RBFOX2: variants seen among roughly 807,000 people sequenced by gnomAD.
RBFOX2 encodes RNA binding fox-1 homolog 2.
In RBFOX2, 10 loss-of-function variants were observed where a neutral mutation model predicts 49.1. The observed-to-expected ratio is 0.20, with a 90% confidence interval of 0.13 to 0.35. The LOEUF is 0.35. Ranked by LOEUF, RBFOX2 falls within the 10% of genes least tolerant of loss-of-function variation. The probability of loss-of-function intolerance (pLI) is 1.00; values close to 1 mark genes in which losing one functional copy is unlikely to be tolerated. For synonymous variants in RBFOX2, 183 were observed against 187.4 expected, an observed-to-expected ratio of 0.98 and a Z score of 0.19; for missense variants, 323 against 486.9, an observed-to-expected ratio of 0.66 and a Z score of 3.17.
At chr22:35,822,881 G>C (rs1954838193) in intron 1 of RBFOX2, 1 of 410,680 alleles carries the variant, frequency 2.4e-6, no homozygotes, top group Non-Finnish European at 4.7e-6. Context: ...CTGGAGTGCA[G>C]TGGCACAATC....
At chr22:35,743,647 A>C (rs1345773508) in exon 12 of RBFOX2, 1 of 152,608 alleles carries the variant, frequency 6.6e-6, no homozygotes, top group Non-Finnish European at 1.5e-5. Flanking sequence ...TGTAAGCACA[A>C]ATTCCTATCT....
chr22:35,964,069 TGCAAACAC>T (rs796413867), upstream of RBFOX2, among the ~76,000 whole-genome samples: 19 of 152,310 alleles, frequency 1.2e-4, no homozygotes, highest in African/African-American at 4.6e-4. Flanking sequence ...TACTCCACTT[TGCAAACAC>T]AGAAACAGAG....
At chr22:35,970,179 G>A (rs1331095215) in intron 1 of RBFOX2, among the ~76,000 whole-genome samples, 1 of 152,194 alleles carries the variant, frequency 6.6e-6, no homozygotes, top group Non-Finnish European at 1.5e-5. Context: ...GGGTGACCAT[G>A]TAACTTGTCT....
At chr22:35,782,414 C>T (rs548292323) in intron 2 of RBFOX2, among the ~76,000 whole-genome samples, 2 of 152,232 alleles carry the variant, frequency 1.3e-5, no homozygotes, top group East Asian at 1.9e-4. Flanking sequence ...CTCCACTTCC[C>T]GGGTTCACGC....
intron 1 of RBFOX2, among the ~76,000 whole-genome samples, chr22:35,827,329 A>C (rs914645207): frequency 6.6e-6 from 1 of 152,226 alleles, no homozygotes; most frequent in African/African-American, 2.4e-5. Context: ...GGCAGGTAAT[A>C]CATAGGAAAA....
intron 1 of RBFOX2, among the ~76,000 whole-genome samples, chr22:36,014,389 C>T (rs2058953539): frequency 6.6e-6 from 1 of 152,100 alleles, no homozygotes; most frequent in African/African-American, 2.4e-5. Context: ...GGATTACAAG[C>T]GTGAGCCACC....
chr22:35,939,139 A>T (rs991295027), upstream of RBFOX2: 2 of 667,792 alleles, frequency 3.0e-6, no homozygotes, highest in Non-Finnish European at 5.5e-6. Flanking sequence ...TATGCAGCTA[A>T]ATCTGTTTCC....
At chr22:35,860,223 C>T (rs977852082) in intron 1 of RBFOX2, among the ~76,000 whole-genome samples, 1 of 152,112 alleles carries the variant, frequency 6.6e-6, no homozygotes, top group African/African-American at 2.4e-5. Flanking sequence ...TTGACAGGTG[C>T]CTGTTCACTG....
chr22:35,791,385 C>CAAA (rs5845238), intron 2 of RBFOX2, among the ~76,000 whole-genome samples: 2 of 130,012 alleles, frequency 1.5e-5, no homozygotes, highest in Non-Finnish European at 3.3e-5. Flanking sequence ...AACTCTGTCT[C>CAAA]AAAAAAAAAA....
At chr22:35,965,996 A>G (rs938555898), upstream of RBFOX2, among the ~76,000 whole-genome samples, 1 of 152,128 alleles carries the variant, frequency 6.6e-6, no homozygotes, top group Non-Finnish European at 1.5e-5. Flanking sequence ...CTAGGCCAAG[A>G]AATAGGACAT....
At chr22:36,020,552 G>GA (rs780944546) in intron 1 of RBFOX2, among the ~76,000 whole-genome samples, 1 of 152,100 alleles carries the variant, frequency 6.6e-6, no homozygotes, top group African/African-American at 2.4e-5. Flanking sequence ...AAATTTACAA[G>GA]AAAAAATCAA....
At chr22:35,862,378 G>GC (rs1556172581) in intron 1 of RBFOX2, among the ~76,000 whole-genome samples, 2 of 123,392 alleles carry the variant, frequency 1.6e-5, no homozygotes, top group South Asian at 2.6e-4. Context: ...TTTCTTTGGA[G>GC]GGGGGGGGGA....
At chr22:35,775,375 A>G (rs1443086681) in intron 4 of RBFOX2, among the ~76,000 whole-genome samples, 4 of 152,214 alleles carry the variant, frequency 2.6e-5, no homozygotes, top group Non-Finnish European at 4.4e-5. Context: ...ACATTTACCA[A>G]TTAGTACACA....
chr22:35,898,357 T>C, intron 1 of RBFOX2: 2 of 663,478 alleles, frequency 3.0e-6, no homozygotes, highest in Non-Finnish European at 5.6e-6. Flanking sequence ...TGGCAGAATG[T>C]GACATTGGCA....
intron 2 of RBFOX2, among the ~76,000 whole-genome samples, chr22:35,805,290 A>G (rs1473085180): frequency 8.3e-6 from 1 of 120,670 alleles, no homozygotes; most frequent in Non-Finnish European, 1.6e-5. Context: ...ACTCCGTCTC[A>G]AAAAAAAAAA....
At chr22:35,879,709 G>C (rs2045618798) in intron 1 of RBFOX2, among the ~76,000 whole-genome samples, 1 of 152,208 alleles carries the variant, frequency 6.6e-6, no homozygotes, top group Non-Finnish European at 1.5e-5. Context: ...TGGATTTTGT[G>C]CATGATCAGA....
At chr22:35,880,279 T>G (rs1055614104) in intron 1 of RBFOX2, among the ~76,000 whole-genome samples, 1 of 151,876 alleles carries the variant, frequency 6.6e-6, no homozygotes, top group Non-Finnish European at 1.5e-5. Context: ...ATGACTAAGG[T>G]TTTTTTTAGC....
chr22:35,912,206 G>C (rs1052521961), intron 1 of RBFOX2, among the ~76,000 whole-genome samples: 11 of 152,144 alleles, frequency 7.2e-5, no homozygotes, highest in Admixed American at 7.2e-4. Context: ...GAATCTCTCA[G>C]AGCACACCAC....
At chr22:35,837,694 G>A (rs1957940029) in intron 1 of RBFOX2, among the ~76,000 whole-genome samples, 1 of 152,132 alleles carries the variant, frequency 6.6e-6, no homozygotes, top group Admixed American at 6.5e-5. Flanking sequence ...TCACAAATTT[G>A]ATATTCTATC....
Sources: gnomAD v4.1 joint callset for allele counts (sites outside exome capture counted in the v4.1 genomes callset) on GRCh38, gnomAD v4.1.1 for gene constraint, MANE v1.5 for transcripts, NCBI Gene and HGNC (gene_info 2026-07-23, HGNC 2026-07-21) for gene names.